THOC5: variants seen among roughly 807,000 people sequenced by gnomAD.
The protein encoded by THOC5 is THO complex subunit 5, also known as Fms-interacting protein.
THOC5 carries 43 observed loss-of-function variants against 92.9 expected under a neutral mutation model. That is an observed-to-expected ratio of 0.46 (90% confidence interval 0.36 to 0.60). The LOEUF is 0.60. THOC5 is among the 20% of genes least tolerant of loss of function. THOC5 has a pLI of 0.00. For synonymous variants in THOC5, 296 were observed against 320.1 expected (o/e 0.92, Z 0.80); for missense variants, 659 against 849.4 (o/e 0.78, Z 2.79).
rs2063158125 is a variant in THOC5 at position 29,508,333 on chromosome 22, G to A, written c.*124C>T. 9.7e-7 allele frequency: 1 copy of A among 1,035,130 alleles called. No homozygotes were observed. The highest frequency in any genetic ancestry group is 1.4e-6 in the Non-Finnish European group (1 of 695,032). 64.1% of individuals were successfully genotyped at this position (1,035,130 alleles called of 1,614,324 possible). A position where few individuals can be genotyped will look rare whatever the true frequency, so the allele number is the denominator to read the frequency against. On this transcript the variant is annotated 3_prime_UTR_variant, in exon 20 of 20. Transcript: ENST00000490103. ...ACCACAGACAAAGGCCACTGGTCAG[G>A]TGACGCTTTTTAATTGGCTGGTGTC...
At chr22:29,533,317 G>T (rs1293797606) in intron 7 of THOC5, among the ~76,000 whole-genome samples, 2 of 152,220 alleles carry the variant, frequency 1.3e-5, no homozygotes, top group Non-Finnish European at 2.9e-5. Context: ...ACTGTGCAAG[G>T]ATGGACACAG....
intron 6 of THOC5, 66 bp from the exon 7 acceptor site, chr22:29,536,804 C>T: frequency 1.1e-6 from 1 of 871,520 alleles, no homozygotes; most frequent in Non-Finnish European, 2.0e-6. Flanking sequence ...TGCCTGTTCA[C>T]TGTCAGACTC....
chr22:29,536,572 T>C (rs1462783401), intron 7 of THOC5, 52 bp downstream of exon 7: 2 of 1,090,564 alleles, frequency 1.8e-6, no homozygotes, highest in African/African-American at 1.5e-5. Context: ...ACATGACTTC[T>C]GGCAGCGCCT....
At chr22:29,552,210 G>A (rs1464400242) in intron 1 of THOC5, among the ~76,000 whole-genome samples, 2 of 151,270 alleles carry the variant, frequency 1.3e-5, no homozygotes, top group East Asian at 1.9e-4. Context: ...CCGCCACCCC[G>A]TCTGGGAAGT....
intron 1 of THOC5, among the ~76,000 whole-genome samples, chr22:29,552,506 C>T (rs1429496660): frequency 6.6e-6 from 1 of 150,958 alleles, no homozygotes; most frequent in African/African-American, 2.4e-5. Context: ...CCCCTCCACC[C>T]AGCAGCCGCC....
At chr22:29,539,303 A>G in intron 6 of THOC5, 27 bp downstream of exon 6, 1 of 1,607,880 alleles carries the variant, frequency 6.2e-7, no homozygotes, top group African/African-American at 1.3e-5. Context: ...CTTTGTGGTT[A>G]AAAGGTCAGG....
intron 1 of THOC5, among the ~76,000 whole-genome samples, chr22:29,552,379 G>A (rs1244674629): frequency 1.3e-5 from 2 of 150,302 alleles, no homozygotes; most frequent in Admixed American, 6.6e-5. Flanking sequence ...CAGATGTGGG[G>A]AGCACCTCTG....
In THOC5 at chr22:29,512,080, A is replaced by C. The variant is rs1353590415; in HGVS notation, c.1738T>G (p.Phe580Val). ...CCTTTCCAGTTCAAACAGAGCTGGA[A>C]AACAGGTGGGATGGAGGAGTAGCCA... ...NPGYSSIPPV[F>V]QLCLNWKGEK... is the part of the protein sequence containing the mutation. Residue 580 changes from phenylalanine to valine, a missense_variant, in exon 18 of 20, where the codon TTC (phenylalanine) becomes GTC (valine). Physicochemically the swap from Phe to Val is conservative, Grantham distance 50. Transcript: ENST00000490103. 1 of 1,614,168 alleles carries C rather than the reference A, an allele frequency of 6.2e-7. No individual in the cohort carries two copies. The highest frequency in any genetic ancestry group is 8.5e-7 in the Non-Finnish European group (1 of 1,180,010).
At chr22:29,526,046 A>C in intron 11 of THOC5, 100 bp from the exon 12 acceptor site, 1 of 728,442 alleles carries the variant, frequency 1.4e-6, no homozygotes, top group Non-Finnish European at 2.3e-6. Context: ...AAGTGTTGAA[A>C]AACTAACTAC....
At chr22:29,515,606 C>G (rs115055179) in intron 17 of THOC5, among the ~76,000 whole-genome samples, 3,261 of 144,804 alleles carry the variant, frequency 0.023, 125 homozygotes, top group African/African-American at 0.079. Context: ...TTGGGAGGAT[C>G]ACTTAAACCT....
chr22:29,514,146 T>C (rs1252582250), intron 17 of THOC5: 1 of 152,088 alleles, frequency 6.6e-6, no homozygotes, highest in Non-Finnish European at 1.5e-5. Flanking sequence ...AGACGGGTTT[T>C]CACCATCTTG....
In THOC5 at chr22:29,520,063, G is replaced by C; in HGVS notation, c.1319C>G (p.Pro440Arg). The C allele has an allele frequency of 6.2e-7, 1 of 1,613,832 alleles. No individual in the cohort carries two copies. The highest frequency in any genetic ancestry group is 1.1e-5 in the South Asian group (1 of 91,064). Reference protein sequence around the residue: ...LSDYVLELGHPYLWVQKLGGL... With the variant: ...LSDYVLELGHRYLWVQKLGGL... ...ACCCAGCTTCTGCACCCACAAATAG[G>C]GGTGACCTAGCTCAAGTACATAGTC... Residue 440 changes from proline to arginine, a missense_variant, in exon 14 of 20, where the codon CCC (proline) becomes CGC (arginine). Transcript: ENST00000490103.
chr22:29,552,474 GC>G (rs2064179910), intron 1 of THOC5, among the ~76,000 whole-genome samples: 1 of 151,088 alleles, frequency 6.6e-6, no homozygotes, highest in African/African-American at 2.4e-5. Flanking sequence ...CTGCCCGGCT[GC>G]CCCGTCTGAG....
chr22:29,550,714 A>G (rs1294092232), intron 1 of THOC5: 2 of 152,240 alleles, frequency 1.3e-5, no homozygotes, highest in African/African-American at 4.8e-5. Flanking sequence ...TCAAATGAGA[A>G]TAACAGTCCC....
chr22:29,508,520 C>T lies in THOC5; in HGVS notation c.1989G>A (p.Arg663=), dbSNP rs201601764. The part of the protein sequence containing the change: ...PQEKMCLRLF[R]GPSRMKPFKY... ...TAAATGGCTTCATCCTGCTAGGACC[C>T]CTAGAGAAATAGGAGAACGGAGTTG... The change falls in exon 20 of 20, where the codon AGG becomes AGA. Residue 663 remains arginine (R), a splice_region_variant and synonymous_variant. Coordinates refer to ENST00000490103, the MANE Select transcript of THOC5 (RefSeq NM_003678.5). 6.9e-5 allele frequency: 111 copies of T among 1,613,398 alleles called. No individual in the cohort carries two copies. The highest frequency in any genetic ancestry group is 1.8e-4 in the South Asian group (16 of 91,072).
At chr22:29,528,049 T>A in intron 11 of THOC5, 29 bp downstream of exon 11, 1 of 1,611,464 alleles carries the variant, frequency 6.2e-7, no homozygotes, top group Non-Finnish European at 8.5e-7. Flanking sequence ...GTGCTACAGA[T>A]CCCTTAAACA....
At chr22:29,531,090 G>A in intron 8 of THOC5, 1 of 1,179,454 alleles carries the variant, frequency 8.5e-7, no homozygotes, top group Non-Finnish European at 1.1e-6. Context: ...TGTCTAGGGG[G>A]CTGGGAGGAT....
chr22:29,543,984 C>T (rs2063958282), intron 3 of THOC5, among the ~76,000 whole-genome samples: 2 of 152,088 alleles, frequency 1.3e-5, no homozygotes, highest in South Asian at 2.1e-4. Context: ...AGCACAAATA[C>T]GTGAGATTCC....
Position 29,508,506 on chromosome 22 carries a change from A to G in THOC5, c.2003T>C (p.Met668Thr). 6.2e-7 allele frequency: 1 copy of G among 1,614,132 alleles called. No homozygotes were observed. The highest frequency in any genetic ancestry group is 8.5e-7 in the Non-Finnish European group (1 of 1,179,976). ...CLRLFRGPSR[M>T]KPFKYNHPQG... ...AGGATGGTTGTATTTAAATGGCTTC[A>G]TCCTGCTAGGACCCCTAGAGAAATA... Residue 668 changes from methionine to threonine, a missense_variant, in exon 20 of 20, where the codon ATG (methionine) becomes ACG (threonine). Physicochemically the swap from Met to Thr is moderately conservative, Grantham distance 81. Coordinates refer to ENST00000490103, the MANE Select transcript of THOC5 (RefSeq NM_003678.5).
Sources: gnomAD v4.1 joint callset for allele counts (sites outside exome capture counted in the v4.1 genomes callset) on GRCh38, gnomAD v4.1.1 for gene constraint, MANE v1.5 for transcripts, NCBI Gene and HGNC (gene_info 2026-07-23, HGNC 2026-07-21) for gene names.